GALNTL5: variants seen among roughly 807,000 people sequenced by gnomAD.
The protein encoded by GALNTL5 is polypeptide N-acetylgalactosaminyltransferase like 5.
A neutral mutation model predicts 51.0 loss-of-function variants in GALNTL5; 44 were observed. That is an observed-to-expected ratio of 0.86 (90% confidence interval 0.68 to 1.11). The LOEUF is 1.11. Ranked by LOEUF, GALNTL5 falls within the 50% of genes least tolerant of loss-of-function variation. The pLI is 0.00. For synonymous variants in GALNTL5, 192 were observed against 182.8 expected (o/e 1.05, Z -0.41); for missense variants, 528 against 531.8 (o/e 0.99, Z 0.07).
rs1359871377 is a variant in GALNTL5 at position 151,986,990 on chromosome 7, G to A, written c.536-169G>A. On this transcript the variant is annotated intron_variant, in intron 4 of 8. Transcript: ENST00000392800. Reference sequence around the variant, plus strand: ...GATCTGCCTGCCTCGGCCTCCCAAAGTGCTGGGATTACAGGCATGAGACAC... The same window carrying A: ...GATCTGCCTGCCTCGGCCTCCCAAAATGCTGGGATTACAGGCATGAGACAC... Among the ~76,000 whole-genome samples the A allele has an allele frequency of 2.0e-5, 3 of 152,092 alleles. No homozygotes were observed. The East Asian group carries it at 5.8e-4, about 29-fold the overall frequency.
At chr7:151,967,789 C>T (rs2081078693) in intron 2 of GALNTL5, among the ~76,000 whole-genome samples, 1 of 152,106 alleles carries the variant, frequency 6.6e-6, no homozygotes, top group South Asian at 2.1e-4. Flanking sequence ...CCTCCCGTCC[C>T]CACGCCACCC....
In GALNTL5 at chr7:152,007,872, T is replaced by C. The variant is rs1390876266; in HGVS notation, c.954T>C (p.Tyr318=). 1.2e-6 allele frequency: 2 copies of C among 1,613,312 alleles called. No homozygotes were observed. The highest frequency in any genetic ancestry group is 2.2e-5 in the South Asian group (2 of 90,954). Residue 318 remains tyrosine, a synonymous_variant, in exon 7 of 9, where the codon TAT becomes TAC. Coordinates refer to ENST00000392800, the MANE Select transcript of GALNTL5 (RefSeq NM_145292.4). ...GAATTTTTGCTATACGTCGGCATTA[T>C]TTTAATGAAATTGGACAGTATGACA... ...SGGIFAIRRH[Y]FNEIGQYDKD...
intron 7 of GALNTL5, among the ~76,000 whole-genome samples, chr7:152,009,145 A>G (rs1455941496): frequency 3.3e-5 from 5 of 152,208 alleles, no homozygotes; most frequent in African/African-American, 1.2e-4. Context: ...AGTAGCTGAA[A>G]TATTCTCTTG....
intron 2 of GALNTL5, among the ~76,000 whole-genome samples, chr7:151,968,824 G>GGTGA (rs1434924676): frequency 6.6e-6 from 1 of 152,150 alleles, no homozygotes; most frequent in East Asian, 1.9e-4. Flanking sequence ...TATTCTAATG[G>GGTGA]GTGAGTAAAG....
At chr7:151,997,603 T>G (rs2081515978) in intron 5 of GALNTL5, among the ~76,000 whole-genome samples, 1 of 152,214 alleles carries the variant, frequency 6.6e-6, no homozygotes, top group East Asian at 1.9e-4. Flanking sequence ...CATATTAATT[T>G]TGCATAAAGT....
intron 5 of GALNTL5, among the ~76,000 whole-genome samples, chr7:151,994,693 A>T (rs1256658243): frequency 6.6e-6 from 1 of 151,782 alleles, no homozygotes; most frequent in Non-Finnish European, 1.5e-5. Context: ...CTTTATCACC[A>T]TAGTCTTTCA....
intron 5 of GALNTL5, among the ~76,000 whole-genome samples, chr7:152,002,414 G>C (rs537009597): frequency 3.0e-3 from 455 of 152,236 alleles, no homozygotes; most frequent in Non-Finnish European, 3.5e-3. Flanking sequence ...TCAAGACCAA[G>C]CTAAAATCAT....
intron 3 of GALNTL5, among the ~76,000 whole-genome samples, chr7:151,975,048 AT>A (rs1385410818): frequency 4.6e-5 from 7 of 152,152 alleles, no homozygotes; most frequent in African/African-American, 1.7e-4. Context: ...TGGAATTTTC[AT>A]TTTAGCTTTC....
intron 4 of GALNTL5, among the ~76,000 whole-genome samples, chr7:151,983,806 G>GTAAA (rs1256634380): frequency 1.9e-4 from 29 of 152,242 alleles, no homozygotes; most frequent in African/African-American, 6.8e-4. Context: ...GCATCGTAAA[G>GTAAA]GCCCAGAGGT....
At chr7:151,986,165 C>G (rs1033266624) in intron 4 of GALNTL5, among the ~76,000 whole-genome samples, 2 of 152,204 alleles carry the variant, frequency 1.3e-5, no homozygotes, top group African/African-American at 4.8e-5. Flanking sequence ...TCCCTTCTCT[C>G]AGCTGAGGAA....
chr7:151,997,116 G>A (rs546106905), intron 5 of GALNTL5, among the ~76,000 whole-genome samples: 16 of 152,316 alleles, frequency 1.1e-4, no homozygotes, highest in African/African-American at 3.1e-4. Context: ...GATGGAGGAC[G>A]TAGCTCCCAA....
intron 6 of GALNTL5, among the ~76,000 whole-genome samples, chr7:152,007,537 GC>G (rs2081663019): frequency 1.3e-5 from 2 of 149,448 alleles, no homozygotes; most frequent in Admixed American, 1.4e-4. Flanking sequence ...TCCTGCCTCA[GC>G]CTCCCGAGTA....
intron 3 of GALNTL5, among the ~76,000 whole-genome samples, chr7:151,972,908 A>C (rs527487904): frequency 6.6e-6 from 1 of 152,318 alleles, no homozygotes; most frequent in African/African-American, 2.4e-5. Context: ...CCTAGTCCCC[A>C]CTGGGGCAAT....
chr7:152,017,165 G>A (rs1051536329), intron 8 of GALNTL5, among the ~76,000 whole-genome samples: 1 of 152,144 alleles, frequency 6.6e-6, no homozygotes, highest in East Asian at 1.9e-4. Flanking sequence ...GACCATCATA[G>A]CGTGTACCTA....
At chr7:151,974,169 C>T (rs1330572160) in intron 3 of GALNTL5, among the ~76,000 whole-genome samples, 1 of 50,672 alleles carries the variant, frequency 2.0e-5, no homozygotes, top group Admixed American at 2.4e-4. Flanking sequence ...ATACAGTACC[C>T]AATAAACAAC....
chr7:151,981,581 CCTTCCTTCCCTCCTTCCTTCCTT>C (rs2081289193), intron 3 of GALNTL5, among the ~76,000 whole-genome samples: 2 of 26,690 alleles, frequency 7.5e-5, no homozygotes, highest in African/African-American at 3.1e-4. Context: ...TTCCTTCCTT[CCTTCCTTCCCTCCTTCCTTCCTT>C]CCCTCCTTCC....
At position 152,007,951 on chromosome 7, in the gene GALNTL5, C is replaced by T. The variant is rs752350856; in HGVS notation, c.1026+7C>T. On this transcript the variant is annotated splice_region_variant and intron_variant, in intron 7 of 8. Transcript: ENST00000392800. The stretch of plus-strand genomic sequence containing the variant: ...TTTGGAACTTTCACTAAGGGTAATT[C>T]AGATTTCATTTTTAAAATAGCTATA... The T allele has an allele frequency of 2.2e-6, 3 of 1,393,128 alleles. No individual in the cohort carries two copies. Among genetic ancestry groups the T allele is most frequent in the African/African-American group, 2.8e-5 (2 of 70,276 alleles). The allele number at this position is 1,393,128 out of a possible 1,614,324, so 86.3% of individuals were successfully genotyped here. A position where few individuals can be genotyped will look rare whatever the true frequency, so the allele number is the denominator to read the frequency against.
At chr7:151,959,243 A>G (rs1406344584) in intron 1 of GALNTL5, among the ~76,000 whole-genome samples, 2 of 150,164 alleles carry the variant, frequency 1.3e-5, no homozygotes, top group African/African-American at 4.9e-5. Context: ...TTTTTTTTTT[A>G]ACTAGTTTCT....
At chr7:151,998,547 A>G (rs1353031144) in intron 5 of GALNTL5, among the ~76,000 whole-genome samples, 1 of 152,140 alleles carries the variant, frequency 6.6e-6, no homozygotes, top group Non-Finnish European at 1.5e-5. Context: ...TGAGGCAGGT[A>G]GATCATTTGA....
Sources: allele counts gnomAD v4.1 joint callset (sites outside exome capture counted in the v4.1 genomes callset), GRCh38; gene constraint gnomAD v4.1.1; transcripts MANE v1.5; gene names NCBI Gene and HGNC (gene_info 2026-07-23, HGNC 2026-07-21).